The following DPP10 variants were observed in gnomAD, a reference collection of about 807,000 sequenced individuals.
DPP10 encodes dipeptidyl peptidase like 10.
DPP10 carries 33 observed loss-of-function variants against 120.9 expected under a neutral mutation model. The observed-to-expected ratio is 0.27, with a 90% CI of 0.21 to 0.37. The LOEUF (loss-of-function observed/expected upper bound fraction) is 0.37, where lower values mean the gene tolerates loss of function less well. Among genes scored for constraint, DPP10 ranks in the 10% least tolerant of loss-of-function variants. The pLI, the probability that DPP10 is intolerant of heterozygous loss-of-function variation, is 1.00. For missense variants in DPP10, 816 were observed against 942.8 expected, an observed-to-expected ratio of 0.87 and a Z score of 1.76; for synonymous variants, 337 against 326.1, an observed-to-expected ratio of 1.03 and a Z score of -0.36.
intron 1 of DPP10, among the ~76,000 whole-genome samples, chr2:114,475,142 C>T (rs760398794): frequency 2.6e-5 from 4 of 152,184 alleles, no homozygotes; most frequent in Non-Finnish European, 2.9e-5. Flanking sequence ...AGATCATCCG[C>T]ACGGCACAGT....
At chr2:114,893,857 C>A (rs1692746473) in intron 1 of DPP10, among the ~76,000 whole-genome samples, 1 of 152,182 alleles carries the variant, frequency 6.6e-6, no homozygotes, top group South Asian at 2.1e-4. Flanking sequence ...TTTTTTGTCA[C>A]TACCCTTTTT....
chr2:115,567,084 A>G (rs562882805), intron 5 of DPP10, among the ~76,000 whole-genome samples: 1 of 152,218 alleles, frequency 6.6e-6, no homozygotes, highest in South Asian at 2.1e-4. Flanking sequence ...ATCAGAGAGT[A>G]TATGTCAAAG....
At chr2:115,415,335 A>G (rs535822833) in intron 3 of DPP10, among the ~76,000 whole-genome samples, 9 of 152,300 alleles carry the variant, frequency 5.9e-5, no homozygotes, top group Admixed American at 5.9e-4. Context: ...TTCTGGCCCC[A>G]TTACAGACCA....
chr2:115,147,835 A>ATG (rs2051316412), intron 1 of DPP10, among the ~76,000 whole-genome samples: 1 of 152,150 alleles, frequency 6.6e-6, no homozygotes, highest in African/African-American at 2.4e-5. Flanking sequence ...GGTGAAAAGA[A>ATG]TGTGTATTTG....
chr2:114,977,521 C>A (rs1043971270), intron 1 of DPP10, among the ~76,000 whole-genome samples: 1 of 152,126 alleles, frequency 6.6e-6, no homozygotes, highest in Admixed American at 6.6e-5. Context: ...GAGCACATAG[C>A]TCCATTCTCT....
chr2:115,429,521 A>G (rs1048886964), intron 3 of DPP10, among the ~76,000 whole-genome samples: 1 of 152,182 alleles, frequency 6.6e-6, no homozygotes, highest in Non-Finnish European at 1.5e-5. Flanking sequence ...AAGAAGACAG[A>G]TTTATTTTAT....
At chr2:115,536,158 G>A (rs1446924347) in intron 5 of DPP10, among the ~76,000 whole-genome samples, 2 of 151,752 alleles carry the variant, frequency 1.3e-5, no homozygotes, top group Non-Finnish European at 2.9e-5. Context: ...ATCCACCTCC[G>A]TTTTTTAGAG....
At chr2:114,464,290 C>G (rs1679170528) in intron 1 of DPP10, among the ~76,000 whole-genome samples, 1 of 152,098 alleles carries the variant, frequency 6.6e-6, no homozygotes, top group African/African-American at 2.4e-5. Flanking sequence ...TTCAGTCATT[C>G]TAATAGGCAC....
chr2:114,982,975 A>T (rs1275467029), intron 1 of DPP10, among the ~76,000 whole-genome samples: 1 of 152,112 alleles, frequency 6.6e-6, no homozygotes, highest in African/African-American at 2.4e-5. Flanking sequence ...GTCCTACTAA[A>T]CTATTATTTC....
chr2:115,742,146 G>A (rs569227604), intron 9 of DPP10, among the ~76,000 whole-genome samples: 22 of 152,062 alleles, frequency 1.4e-4, no homozygotes, highest in African/African-American at 4.8e-4. Context: ...TTTTACAAAT[G>A]AGCAAATAGA....
At chr2:115,321,927 A>G (rs532511593) in intron 2 of DPP10, among the ~76,000 whole-genome samples, 1 of 152,138 alleles carries the variant, frequency 6.6e-6, no homozygotes, top group African/African-American at 2.4e-5. Context: ...CTTTTTTCAT[A>G]CATTGTTATT....
intron 5 of DPP10, among the ~76,000 whole-genome samples, chr2:115,527,810 A>G (rs535364420): frequency 6.6e-6 from 1 of 152,248 alleles, no homozygotes; most frequent in South Asian, 2.1e-4. Flanking sequence ...ACTACAATAG[A>G]ATATCACTAC....
At chr2:115,003,694 G>C (rs1701610696) in intron 1 of DPP10, among the ~76,000 whole-genome samples, 1 of 151,900 alleles carries the variant, frequency 6.6e-6, no homozygotes, top group South Asian at 2.1e-4. Flanking sequence ...ATTCTCAAAA[G>C]AACCACAAAT....
intron 1 of DPP10, among the ~76,000 whole-genome samples, chr2:114,809,033 AAT>A (rs1684971076): frequency 6.6e-6 from 1 of 152,176 alleles, no homozygotes. Flanking sequence ...TTTTATAATT[AAT>A]TAAGTAATTG....
chr2:114,975,266 A>G (rs1699677022), intron 1 of DPP10, among the ~76,000 whole-genome samples: 1 of 151,980 alleles, frequency 6.6e-6, no homozygotes, highest in Non-Finnish European at 1.5e-5. Context: ...AGGTGGTCTC[A>G]ATCTCTTGAC....
intron 1 of DPP10, among the ~76,000 whole-genome samples, chr2:115,294,686 C>T (rs2060805949): frequency 6.6e-6 from 1 of 152,048 alleles, no homozygotes; most frequent in Admixed American, 6.6e-5. Context: ...ATCCTTACAC[C>T]TATGTAGTTT....
At chr2:115,218,876 T>A (rs1232193014) in intron 1 of DPP10, among the ~76,000 whole-genome samples, 1 of 152,124 alleles carries the variant, frequency 6.6e-6, no homozygotes, top group Non-Finnish European at 1.5e-5. Context: ...ATGTAGTTTT[T>A]ATAATACATT....
chr2:115,568,427 G>C (rs984617623), intron 5 of DPP10, among the ~76,000 whole-genome samples: 3 of 152,058 alleles, frequency 2.0e-5, no homozygotes, highest in Non-Finnish European at 4.4e-5. Context: ...AGCTTGCAGT[G>C]AGCCAAGATT....
intron 1 of DPP10, among the ~76,000 whole-genome samples, chr2:114,670,151 C>G (rs1315398298): frequency 2.6e-5 from 4 of 152,038 alleles, no homozygotes; most frequent in Admixed American, 6.6e-5. Context: ...ACCATTTGAC[C>G]CAGCCATCCC....
Sources: gnomAD v4.1 joint callset for allele counts (sites outside exome capture counted in the v4.1 genomes callset) on GRCh38, gnomAD v4.1.1 for gene constraint, MANE v1.5 for transcripts, NCBI Gene and HGNC (gene_info 2026-07-23, HGNC 2026-07-21) for gene names.